Variants in SLC25A46 observed in about 807,000 individuals in gnomAD.
SLC25A46 encodes mitochondrial outer membrane protein SLC25A46.
A neutral mutation model predicts 44.6 loss-of-function variants in SLC25A46; 39 were observed. The observed-to-expected ratio is 0.87, with a 90% CI of 0.68 to 1.14. The LOEUF is 1.14. Among genes scored for constraint, SLC25A46 ranks in the 50% most tolerant of loss-of-function variants. The pLI is 0.00. For synonymous variants in SLC25A46, 202 were observed against 185.8 expected (o/e 1.09, Z -0.71); for missense variants, 547 against 522.7 (o/e 1.05, Z -0.45).
intron 5 of SLC25A46, among the ~76,000 whole-genome samples, chr5:110,751,191 G>A (rs1455454528): frequency 1.3e-5 from 2 of 152,150 alleles, no homozygotes; most frequent in Non-Finnish European, 2.9e-5. Context: ...GGTTTACAGT[G>A]AGGAAAATAA....
rs1800353904 is a variant in SLC25A46 at position 110,764,987 on chromosome 5, G to A, written c.*3205G>A. 1 of 151,594 alleles carries A rather than the reference G, an allele frequency of 6.6e-6. No individual in the cohort carries two copies. The highest frequency in any genetic ancestry group is 2.1e-4 in the South Asian group (1 of 4,828). 9.4% of individuals were successfully genotyped at this position (151,594 alleles called of 1,614,324 possible). ...TTTAGTATCATTGATATGGTACCAA[G>A]TTGTATAGCAGAGTAACAAAATCAT... On this transcript the variant is annotated 3_prime_UTR_variant, in exon 8 of 8. Coordinates refer to ENST00000355943, the MANE Select transcript of SLC25A46 (RefSeq NM_138773.4).
At chr5:110,748,699 C>T (rs934698570) in intron 5 of SLC25A46, among the ~76,000 whole-genome samples, 8 of 152,068 alleles carry the variant, frequency 5.3e-5, no homozygotes, top group African/African-American at 1.9e-4. Context: ...AATTCCCGCT[C>T]TTTAAGTATT....
chr5:110,758,139 T>G (rs951360414), intron 7 of SLC25A46, among the ~76,000 whole-genome samples: 1 of 152,152 alleles, frequency 6.6e-6, no homozygotes, highest in African/African-American at 2.4e-5. Context: ...TAGAACTCTT[T>G]TTTCTTTAGA....
upstream of SLC25A46, chr5:110,738,332 C>G: frequency 1.9e-6 from 2 of 1,068,354 alleles, no homozygotes; most frequent in Non-Finnish European, 2.4e-6. Flanking sequence ...ATTTCAATAC[C>G]CTGAGTGATT....
At chr5:110,754,891 A>G (rs1250690609) in intron 5 of SLC25A46, 1 of 152,276 alleles carries the variant, frequency 6.6e-6, no homozygotes, top group Non-Finnish European at 1.5e-5. Context: ...TGGAGAAAAT[A>G]GGGTTATTAT....
chr5:110,756,627 T>C, intron 6 of SLC25A46, 75 bp from the exon 7 acceptor site: 2 of 955,734 alleles, frequency 2.1e-6, no homozygotes, highest in Non-Finnish European at 3.2e-6. Context: ...TGTTGACATA[T>C]TAAAGCAGAT....
At chr5:110,752,507 C>T (rs1334007532) in intron 5 of SLC25A46, among the ~76,000 whole-genome samples, 1 of 152,196 alleles carries the variant, frequency 6.6e-6, no homozygotes, top group African/African-American at 2.4e-5. Flanking sequence ...TCAACTCCAA[C>T]TTAGTTTTGA....
Position 110,763,426 on chromosome 5 carries a change from T to A in SLC25A46, c.*1644T>A, listed in dbSNP as rs1800311318. ...CTGAAACACCTACATTTTCCATTTTTAAATTCCACCAAAAGGGGGAAAATA... is the reference window on the plus strand; with the variant it reads ...CTGAAACACCTACATTTTCCATTTTAAAATTCCACCAAAAGGGGGAAAATA... On this transcript the variant is annotated 3_prime_UTR_variant, in exon 8 of 8. Transcript: ENST00000355943. 6.6e-6 allele frequency: 1 copy of A among 151,826 alleles called. No individual in the cohort carries two copies. The highest frequency in any genetic ancestry group is 2.4e-5 in the African/African-American group (1 of 41,404). 9.4% of individuals were successfully genotyped at this position (151,826 alleles called of 1,614,324 possible).
chr5:110,749,145 G>A (rs1270907243), intron 5 of SLC25A46, among the ~76,000 whole-genome samples: 1 of 152,098 alleles, frequency 6.6e-6, no homozygotes, highest in Non-Finnish European at 1.5e-5. Flanking sequence ...AGAATGAGTT[G>A]TCAGTAGTGA....
At position 110,739,713 on chromosome 5, in the gene SLC25A46, C is replaced by G. The variant is rs665063; in HGVS notation, c.283+311C>G. On this transcript the variant is annotated intron_variant, in intron 1 of 7. Coordinates refer to ENST00000355943, the MANE Select transcript of SLC25A46 (RefSeq NM_138773.4). ...AAAGGAGATTGGATTATTAACTGTT[C>G]CCTGATTCACTTTGGCAGCTCTATT... Among the ~76,000 whole-genome samples, 11 of 152,244 alleles carry G rather than the reference C, an allele frequency of 7.2e-5. No individual in the cohort carries two copies. In the South Asian group the frequency reaches 1.5e-3, roughly 20 times the overall value.
chr5:110,739,621 C>T (rs1396957160), intron 1 of SLC25A46, among the ~76,000 whole-genome samples: 2 of 152,218 alleles, frequency 1.3e-5, no homozygotes, highest in Admixed American at 6.5e-5. Flanking sequence ...AGACATCTGC[C>T]TTAGCTATGG....
upstream of SLC25A46, chr5:110,738,612 ACTC>A (rs1459798418): frequency 5.1e-6 from 1 of 197,106 alleles, no homozygotes; most frequent in East Asian, 1.8e-4. Flanking sequence ...ACCCTCCACA[ACTC>A]CAACCTCTAC....
At chr5:110,738,892 A>C, upstream of SLC25A46, 2 of 1,126,060 alleles carry the variant, frequency 1.8e-6, no homozygotes, top group Non-Finnish European at 2.4e-6. Context: ...CAAACTTTTA[A>C]GGTCCAGGTT....
At chr5:110,743,229 G>T (rs1347254572) in intron 2 of SLC25A46, among the ~76,000 whole-genome samples, 1 of 151,960 alleles carries the variant, frequency 6.6e-6, no homozygotes, top group Non-Finnish European at 1.5e-5. Context: ...TGGTCATTAA[G>T]AATCTTATAA....
chr5:110,747,854 G>T (rs1346257808), intron 4 of SLC25A46, among the ~76,000 whole-genome samples: 4 of 152,148 alleles, frequency 2.6e-5, no homozygotes, highest in Non-Finnish European at 5.9e-5. Context: ...ATTGGGTTAA[G>T]TTGTGGATAT....
chr5:110,743,633 A>C (rs1799743356), intron 2 of SLC25A46, 97 bp from the exon 3 acceptor site: 2 of 600,254 alleles, frequency 3.3e-6, no homozygotes, highest in African/African-American at 1.9e-5. Context: ...AAAATAATGC[A>C]TGATTCTTCA....
chr5:110,752,436 G>A (rs180728747), intron 5 of SLC25A46, among the ~76,000 whole-genome samples: 4 of 152,144 alleles, frequency 2.6e-5, no homozygotes, highest in Non-Finnish European at 5.9e-5. Context: ...TTAACGCGAG[G>A]TAGGAGTTCC....
Position 110,755,522 on chromosome 5 carries a change from G to T in SLC25A46, c.620+1G>T. 2 of 1,566,978 alleles carry T rather than the reference G, an allele frequency of 1.3e-6. No individual in the cohort carries two copies. The highest frequency in any genetic ancestry group is 2.3e-5 in the East Asian group (1 of 43,730). ...TAGGAGAACACCTTCTACTGAAATC[G>T]TAAGTATCAAAAAATGGCATTTTTA... On this transcript the variant is annotated splice_donor_variant, in intron 6 of 7. Coordinates refer to ENST00000355943, the MANE Select transcript of SLC25A46 (RefSeq NM_138773.4). LOFTEE classifies it high-confidence loss of function.
chr5:110,756,818 G>C, intron 7 of SLC25A46, 59 bp downstream of exon 7: 3 of 1,162,768 alleles, frequency 2.6e-6, no homozygotes. Context: ...TGACTATTCA[G>C]TATATTGTAG....
Sources: gnomAD v4.1 joint callset for allele counts (sites outside exome capture counted in the v4.1 genomes callset) on GRCh38, gnomAD v4.1.1 for gene constraint, MANE v1.5 for transcripts, NCBI Gene and HGNC (gene_info 2026-07-23, HGNC 2026-07-21) for gene names.